TXNDC16: variants seen among roughly 807,000 people sequenced by gnomAD.
TXNDC16 encodes the protein thioredoxin domain-containing protein 16.
TXNDC16 carries 74 observed loss-of-function variants against 85.6 expected under a neutral mutation model. That is an observed-to-expected ratio of 0.86 (90% CI 0.72 to 1.05). The LOEUF is 1.05. TXNDC16 is among the 50% of genes least tolerant of loss of function. The probability of loss-of-function intolerance (pLI) is 0.00; values close to 1 mark genes in which losing one functional copy is unlikely to be tolerated. For synonymous variants in TXNDC16, 335 were observed against 326.5 expected (o/e 1.03, Z -0.28); for missense variants, 959 against 947.0 (o/e 1.01, Z -0.17).
At chr14:52,471,038 A>G (rs544395018) in intron 14 of TXNDC16, among the ~76,000 whole-genome samples, 1 of 152,278 alleles carries the variant, frequency 6.6e-6, no homozygotes, top group African/African-American at 2.4e-5. Flanking sequence ...AAACTCCTTG[A>G]AGTTCCAGAC....
chr14:52,470,887 T>G (rs2035891799), intron 14 of TXNDC16, among the ~76,000 whole-genome samples: 1 of 152,190 alleles, frequency 6.6e-6, no homozygotes. Flanking sequence ...TGTTCCCTTT[T>G]GCAGGCTCTT....
At chr14:52,505,631 C>T (rs1452500041) in intron 9 of TXNDC16, among the ~76,000 whole-genome samples, 1 of 152,130 alleles carries the variant, frequency 6.6e-6, no homozygotes, top group Non-Finnish European at 1.5e-5. Flanking sequence ...CTAAAATTGA[C>T]ACCCTAACAT....
rs1338583352 is a variant in TXNDC16 at position 52,488,434 on chromosome 14, T to C, written c.1037A>G (p.His346Arg). 2 of 1,611,522 alleles carry C rather than the reference T, an allele frequency of 1.2e-6. No homozygotes were observed. Among genetic ancestry groups the C allele is most frequent in the Non-Finnish European group, 1.7e-6 (2 of 1,177,752 alleles). Residue 346 changes from histidine (H) to arginine (R), a missense_variant, in exon 12 of 21, where the codon CAT (histidine) becomes CGT (arginine). His to Arg is a conservative substitution (Grantham distance 29, BLOSUM62 0). Transcript: ENST00000281741. ...CTCAATGTGCATATTATTTTCCACA[T>C]GAGATATTATTAAATCAACATCATG... ...VLHDVDLIISHVENNMHIEEI... is the reference protein window; with the variant it reads ...VLHDVDLIISRVENNMHIEEI...
At chr14:52,536,331 T>C (rs774550856) in intron 6 of TXNDC16, among the ~76,000 whole-genome samples, 15 of 152,214 alleles carry the variant, frequency 9.9e-5, no homozygotes, top group Admixed American at 7.2e-4. Flanking sequence ...ATTCCATAAC[T>C]GTGAAAAATA....
chr14:52,508,004 G>A (rs1182613386), intron 9 of TXNDC16, among the ~76,000 whole-genome samples: 1 of 152,124 alleles, frequency 6.6e-6, no homozygotes, highest in African/African-American at 2.4e-5. Context: ...CATGGGCATG[G>A]GCAAGGACTT....
chr14:52,435,124 T>C (rs1312371995), intron 20 of TXNDC16, among the ~76,000 whole-genome samples: 1 of 152,184 alleles, frequency 6.6e-6, no homozygotes, highest in Non-Finnish European at 1.5e-5. Context: ...TGTGATGTAT[T>C]CAGAGTGGAA....
Position 52,536,911 on chromosome 14 carries a change from T to C in TXNDC16, c.318-118A>G, listed in dbSNP as rs137878114. 296 of 799,838 alleles carry C rather than the reference T, an allele frequency of 3.7e-4. 3 individuals are homozygous for C. In the East Asian group the frequency reaches 8.0e-3, roughly 22 times the overall value. 49.5% of individuals were successfully genotyped at this position (799,838 alleles called of 1,614,324 possible). A position where few individuals can be genotyped will look rare whatever the true frequency, so the allele number is the denominator to read the frequency against. ...TAAGGTCTTTGATGTTACAGCTGTG[T>C]CTTGTCCACATACTCCACATACCTA... On this transcript the variant is annotated intron_variant, in intron 5 of 20. Transcript: ENST00000281741.
intron 20 of TXNDC16, among the ~76,000 whole-genome samples, chr14:52,435,484 T>C (rs1170974117): frequency 6.6e-6 from 1 of 152,186 alleles, no homozygotes; most frequent in African/African-American, 2.4e-5. Flanking sequence ...GAGAATGAAG[T>C]AGTCAAAGAT....
Position 52,530,426 on chromosome 14 carries a change from TATA to T in TXNDC16, c.392+6290_392+6292del, listed in dbSNP as rs1374033582. 1.1e-4 allele frequency among the ~76,000 whole-genome samples: 3 copies of T among 26,334 alleles called. 1 individual carries two copies. Among genetic ancestry groups the T allele is most frequent in the African/African-American group, 2.1e-4 (1 of 4,792 alleles). The allele number at this position is 26,334 out of a possible 152,430, so 17.3% of individuals were successfully genotyped here. On this transcript the variant is annotated intron_variant, in intron 6 of 20. Transcript: ENST00000281741. ...TATATAATTATTATATAATATTATA[TATA>T]ATAATATATAATATATTATTATATA... is the stretch of plus-strand genomic sequence containing the variant.
chr14:52,502,780 G>A (rs755911723), intron 9 of TXNDC16, among the ~76,000 whole-genome samples: 3 of 152,182 alleles, frequency 2.0e-5, no homozygotes, highest in Non-Finnish European at 2.9e-5. Context: ...GTGACGCATC[G>A]CATCACCCAG....
intron 16 of TXNDC16, among the ~76,000 whole-genome samples, chr14:52,469,716 T>G (rs758421139): frequency 2.0e-5 from 3 of 152,110 alleles, no homozygotes; most frequent in Non-Finnish European, 4.4e-5. Context: ...GCACTCCAGC[T>G]TGGTGACAGA....
intron 18 of TXNDC16, among the ~76,000 whole-genome samples, chr14:52,453,135 T>G (rs2035450867): frequency 6.6e-6 from 1 of 152,126 alleles, no homozygotes. Context: ...CAATTAGGTA[T>G]TATTCCATTC....
intron 16 of TXNDC16, 105 bp downstream of exon 16, chr14:52,469,932 C>A: frequency 8.9e-7 from 1 of 1,123,334 alleles, no homozygotes; most frequent in East Asian, 3.0e-5. Context: ...CAAACTTCTC[C>A]ATAATTTTGA....
At chr14:52,439,442 A>G (rs1400085024) in intron 19 of TXNDC16, 48 bp from the exon 20 acceptor site, 2 of 1,486,530 alleles carry the variant, frequency 1.3e-6, no homozygotes, top group Non-Finnish European at 1.8e-6. Flanking sequence ...TCTACAACAA[A>G]ATAATGAAAA....
chr14:52,503,257 C>T (rs1218474802), intron 9 of TXNDC16, among the ~76,000 whole-genome samples: 3 of 152,210 alleles, frequency 2.0e-5, no homozygotes, highest in Non-Finnish European at 4.4e-5. Flanking sequence ...AGCTTGAGAT[C>T]TGAGAACAGA....
chr14:52,550,310 C>T (rs1167276968), intron 1 of TXNDC16, among the ~76,000 whole-genome samples: 1 of 152,234 alleles, frequency 6.6e-6, no homozygotes, highest in Non-Finnish European at 1.5e-5. Context: ...AGCTTACTTA[C>T]AGTTTAATGC....
chr14:52,473,913 T>C (rs770848395), intron 14 of TXNDC16, among the ~76,000 whole-genome samples: 4 of 152,156 alleles, frequency 2.6e-5, no homozygotes, highest in Non-Finnish European at 5.9e-5. Context: ...TTTCCTAACT[T>C]ATAAAGTTAT....
intron 7 of TXNDC16, 63 bp from the exon 8 acceptor site, chr14:52,515,033 C>T: frequency 1.6e-6 from 2 of 1,228,054 alleles, no homozygotes; most frequent in South Asian, 1.3e-5. Flanking sequence ...TCTATGTAAA[C>T]TTCTATTCTG....
chr14:52,540,632 A>G (rs1032427322), intron 4 of TXNDC16, among the ~76,000 whole-genome samples: 8 of 152,168 alleles, frequency 5.3e-5, no homozygotes, highest in African/African-American at 1.9e-4. Flanking sequence ...CTCAAAAAAA[A>G]GAAGAAAAAA....
Sources: allele counts gnomAD v4.1 joint callset (sites outside exome capture counted in the v4.1 genomes callset), GRCh38; gene constraint gnomAD v4.1.1; transcripts MANE v1.5; gene names NCBI Gene and HGNC (gene_info 2026-07-23, HGNC 2026-07-21).